CENPI: variants seen among roughly 807,000 people sequenced by gnomAD.
The protein encoded by CENPI is FSH primary response 1.
In CENPI, 4 loss-of-function variants were observed where a neutral mutation model predicts 60.4. That is an observed-to-expected ratio of 0.07 (90% CI 0.03 to 0.15). The LOEUF is 0.15. Ranked by LOEUF, CENPI falls within the 10% of genes least tolerant of loss-of-function variation. The pLI is 1.00. For synonymous variants in CENPI, 157 were observed against 189.4 expected (o/e 0.83, Z 1.40); for missense variants, 444 against 534.5 (o/e 0.83, Z 1.67).
rs1602752478 is a variant in CENPI at position 101,100,968 on chromosome X, A to G, written c.-13-90A>G. ...ATGCCTGTTGTATGCTAGCTATTGT[A>G]TACTAAATACTGGAAACACACCCTG... On this transcript the variant is annotated intron_variant, in intron 2 of 21. Transcript: ENST00000682095. The G allele has an allele frequency of 2.3e-5, 13 of 563,709 alleles. 1 individual carries two copies. Among genetic ancestry groups the G allele is most frequent in the African/African-American group, 1.4e-4 (6 of 44,031 alleles). The allele number at this position is 563,709 out of a possible 1,213,427, so 46.5% of individuals were successfully genotyped here.
At chrX:101,142,026 C>A (rs1393903442) in intron 16 of CENPI, among the ~76,000 whole-genome samples, 2 of 112,041 alleles carry the variant, frequency 1.8e-5, no homozygotes, top group Non-Finnish European at 3.8e-5. Context: ...GCCACCACAT[C>A]CAGTCTGAAA....
chrX:101,103,750 G>T (rs958871780), intron 4 of CENPI, among the ~76,000 whole-genome samples: 7 of 111,877 alleles, frequency 6.3e-5, no homozygotes, highest in African/African-American at 2.3e-4. Flanking sequence ...GGGTTTTTTT[G>T]TGTGTGTGTT....
chrX:101,120,706 T>TG, intron 7 of CENPI, 32 bp from the exon 8 acceptor site: 1 of 1,175,028 alleles, frequency 8.5e-7, no homozygotes, highest in Non-Finnish European at 1.2e-6. Flanking sequence ...TGAATCCAAA[T>TG]GCATAGTACG....
At chrX:101,117,304 G>A (rs1485244692) in intron 6 of CENPI, among the ~76,000 whole-genome samples, 1 of 111,560 alleles carries the variant, frequency 9.0e-6, no homozygotes, top group Non-Finnish European at 1.9e-5. Context: ...GGGTTTAAGC[G>A]ATTCTCCTGC....
chrX:101,148,081 G>A lies in CENPI; in HGVS notation c.2014G>A (p.Gly672Arg). The A allele has an allele frequency of 8.5e-7, 1 of 1,179,661 alleles. No homozygotes were observed. Among genetic ancestry groups the A allele is most frequent in the Non-Finnish European group, 1.1e-6 (1 of 884,106 alleles). ...YIDPEILEKT[G>R]VAEYKNSLNV... ...TGACCCTGAAATCCTAGAAAAAACTGGAGTGGCTGAATATAAAAACAGTTT... is the reference window on the plus strand; with the variant it reads ...TGACCCTGAAATCCTAGAAAAAACTAGAGTGGCTGAATATAAAAACAGTTT... The change falls in exon 20 of 22, where the codon GGA (glycine) becomes AGA (arginine). Residue 672 changes from glycine to arginine, a missense_variant. By Grantham distance (125) the Gly-to-Arg change is moderately radical (BLOSUM62 -2). Transcript: ENST00000682095.
rs1428130000 is a variant in CENPI at position 101,128,855 on chromosome X, T to C, written c.1195+19T>C. On this transcript the variant is annotated intron_variant, in intron 12 of 21. Transcript: ENST00000682095. ...CAAGAAGGTAAGAATTGAGTGAGGA[T>C]GGACCAAGATAGTTAACAAATGGGT... 1 of 1,194,186 alleles carries C rather than the reference T, an allele frequency of 8.4e-7. No individual in the cohort carries two copies. The highest frequency in any genetic ancestry group is 3.0e-5 in the East Asian group (1 of 33,516).
intron 4 of CENPI, among the ~76,000 whole-genome samples, chrX:101,106,472 A>C (rs2089484635): frequency 9.6e-6 from 1 of 104,538 alleles, no homozygotes; most frequent in East Asian, 3.0e-4. Context: ...GCTGGAGTGC[A>C]ATGGTGTGAT....
intron 8 of CENPI, among the ~76,000 whole-genome samples, chrX:101,122,807 C>T (rs770953400): frequency 1.3e-4 from 15 of 111,575 alleles, no homozygotes; most frequent in Middle Eastern, 4.6e-3. Flanking sequence ...AACCGGGAGG[C>T]GGAGGTTGCA....
intron 16 of CENPI, among the ~76,000 whole-genome samples, chrX:101,144,850 A>T (rs2089949477): frequency 9.0e-6 from 1 of 111,644 alleles, no homozygotes; most frequent in Non-Finnish European, 1.9e-5. Flanking sequence ...GATTGCTTAG[A>T]ATGTTCTATG....
intron 4 of CENPI, among the ~76,000 whole-genome samples, 156 bp downstream of exon 4, chrX:101,102,567 C>T (rs1158284188): frequency 9.2e-6 from 1 of 108,299 alleles, no homozygotes; most frequent in East Asian, 2.9e-4. Context: ...CACTATATTG[C>T]CCAGGTTGGT....
At chrX:101,174,349 CA>C in the CENPI span, among the ~76,000 whole-genome samples, 16 of 111,380 alleles carry the variant, frequency 1.4e-4, no homozygotes, top group African/African-American at 5.2e-4. Context: ...ATTATTCTAC[CA>C]AAAAAACACA....
At position 101,128,593 on chromosome X, in the gene CENPI, G is replaced by A. The variant is rs2089761423; in HGVS notation, c.1075-123G>A. 4 of 636,005 alleles carry A rather than the reference G, an allele frequency of 6.3e-6. No individual in the cohort carries two copies. The East Asian group carries it at 1.3e-4, about 21-fold the overall frequency. The allele number at this position is 636,005 out of a possible 1,213,427, so 52.4% of individuals were successfully genotyped here. ...GATCCTCCTGCCTCAGCCTCCCAAA[G>A]TGTTGGGATTATAGGCATGAGCCAC... On this transcript the variant is annotated intron_variant, in intron 11 of 21. Coordinates refer to ENST00000682095, the MANE Select transcript of CENPI (RefSeq NM_001386188.2).
At chrX:101,135,336 G>A (rs1208718480) in intron 15 of CENPI, among the ~76,000 whole-genome samples, 2 of 111,248 alleles carry the variant, frequency 1.8e-5, no homozygotes, top group Non-Finnish European at 3.8e-5. Context: ...ACATGATGCA[G>A]AGTTCTAAGG....
At chrX:101,134,884 C>T (rs1367913398) in intron 15 of CENPI, among the ~76,000 whole-genome samples, 4 of 109,767 alleles carry the variant, frequency 3.6e-5, no homozygotes, top group Admixed American at 9.9e-5. Flanking sequence ...ATTAGCCGGG[C>T]GTGCCCATAA....
At chrX:101,102,212 T>C (rs12156663) in intron 3 of CENPI, 62 bp from the exon 4 acceptor site, 412,832 of 899,712 alleles carry the variant, frequency 0.46, 69,551 homozygotes, top group Middle Eastern at 0.51. Flanking sequence ...ATTCTTATTA[T>C]TGAGGCCGAA....
intron 4 of CENPI, among the ~76,000 whole-genome samples, chrX:101,109,055 A>G (rs986133873): frequency 9.4e-6 from 1 of 106,584 alleles, no homozygotes. Context: ...TATTGCCTTC[A>G]ATATAACGTG....
At chrX:101,149,177 T>C (rs2089986392) in intron 20 of CENPI, among the ~76,000 whole-genome samples, 1 of 111,864 alleles carries the variant, frequency 8.9e-6, no homozygotes, top group African/African-American at 3.2e-5. Context: ...AGAGCAAAGA[T>C]AGAACAGAAG....
intron 16 of CENPI, among the ~76,000 whole-genome samples, chrX:101,143,251 T>G (rs1216402044): frequency 9.1e-6 from 1 of 110,247 alleles, no homozygotes; most frequent in East Asian, 2.8e-4. Flanking sequence ...GTTCTTTTCC[T>G]TATGCGTAAC....
chrX:101,102,516 C>CACACACACACACACACACAT (rs778560144), intron 4 of CENPI, 105 bp downstream of exon 4: 6,306 of 207,794 alleles, frequency 0.03, 205 homozygotes, highest in Middle Eastern at 0.045. Flanking sequence ...CACACACACA[C>CACACACACACACACACACAT]ATATATATAT....
Sources: gnomAD v4.1 joint callset for allele counts (sites outside exome capture counted in the v4.1 genomes callset) on GRCh38, gnomAD v4.1.1 for gene constraint, MANE v1.5 for transcripts, NCBI Gene and HGNC (gene_info 2026-07-23, HGNC 2026-07-21) for gene names.